The following MYO1E variants were observed in gnomAD, a reference collection of about 807,000 sequenced individuals.
The protein encoded by MYO1E is myosin IE.
A neutral mutation model predicts 151.1 loss-of-function variants in MYO1E; 68 were observed. That is an observed-to-expected ratio of 0.45 (90% confidence interval 0.37 to 0.55). The LOEUF (loss-of-function observed/expected upper bound fraction) is 0.55, where lower values mean the gene tolerates loss of function less well. MYO1E is among the 20% of genes least tolerant of loss of function. The pLI is 0.00. For missense variants in MYO1E, 1,363 were observed against 1,389.3 expected (o/e 0.98, Z 0.30); for synonymous variants, 601 against 501.7 (o/e 1.20, Z -2.64).
chr15:59,209,016 G>C, intron 13 of MYO1E, 168 bp from the exon 14 acceptor site: 1 of 798,830 alleles, frequency 1.3e-6, no homozygotes, highest in Non-Finnish European at 2.0e-6. Context: ...CAAATAGGGA[G>C]TCACCACTTA....
At chr15:59,267,681 T>C (rs1226881088) in intron 2 of MYO1E, among the ~76,000 whole-genome samples, 1 of 152,160 alleles carries the variant, frequency 6.6e-6, no homozygotes, top group South Asian at 2.1e-4. Flanking sequence ...TTGGAGAAAG[T>C]TGGACCGAAT....
chr15:59,357,700 T>C (rs534037709), intron 1 of MYO1E, among the ~76,000 whole-genome samples: 2 of 152,262 alleles, frequency 1.3e-5, no homozygotes, highest in East Asian at 1.9e-4. Context: ...TCCACCTACC[T>C]TGGCCTCCCA....
chr15:59,281,443 T>C (rs2080352802), intron 1 of MYO1E, among the ~76,000 whole-genome samples: 1 of 152,064 alleles, frequency 6.6e-6, no homozygotes, highest in Admixed American at 6.5e-5. Context: ...ACCAAGCTTA[T>C]TTTTGTATTT....
chr15:59,227,803 T>A (rs2080001152), intron 6 of MYO1E, among the ~76,000 whole-genome samples: 1 of 152,256 alleles, frequency 6.6e-6, no homozygotes, highest in African/African-American at 2.4e-5. Flanking sequence ...AGAGCACCTA[T>A]CATTCCAGCA....
At chr15:59,241,921 AAAAAT>A (rs374472292) in intron 4 of MYO1E, among the ~76,000 whole-genome samples, 2 of 150,726 alleles carry the variant, frequency 1.3e-5, no homozygotes, top group African/African-American at 2.5e-5. Context: ...CCTGTCTCTA[AAAAAT>A]AAAATAAAAT....
intron 17 of MYO1E, among the ~76,000 whole-genome samples, chr15:59,191,354 G>GAGAGAGAGAGAGAC (rs1356200439): frequency 3.3e-5 from 5 of 150,874 alleles, no homozygotes; most frequent in Non-Finnish European, 7.4e-5. Context: ...GAGAGAGAGA[G>GAGAGAGAGAGAGAC]AGAGAGAGAG....
At chr15:59,196,409 C>T (rs1170850658) in intron 16 of MYO1E, among the ~76,000 whole-genome samples, 2 of 152,176 alleles carry the variant, frequency 1.3e-5, no homozygotes, top group African/African-American at 4.8e-5. Context: ...TCCCACCCCA[C>T]AGCTGAGCAC....
chr15:59,250,095 G>C (rs2080155188), intron 4 of MYO1E, among the ~76,000 whole-genome samples: 1 of 137,036 alleles, frequency 7.3e-6, no homozygotes, highest in African/African-American at 3.1e-5. Context: ...TGGTGCAGAA[G>C]AGAATTAACT....
In MYO1E at chr15:59,268,718, G is replaced by GTTTTTTTTTT. The variant is rs1452818863; in HGVS notation, c.147+3587_147+3588insAAAAAAAAAA. On this transcript the variant is annotated intron_variant, in intron 2 of 27. Coordinates refer to ENST00000288235, the MANE Select transcript of MYO1E (RefSeq NM_004998.4). ...TGGTGATGGGTTCTGGGTGACTTTG[G>GTTTTTTTTTT]TATTTTTTTTTTTTTTTTTTTTTGC... is the stretch of plus-strand genomic sequence containing the variant. Among the ~76,000 whole-genome samples the GTTTTTTTTTT allele has an allele frequency of 6.1e-3, 73 of 12,010 alleles. 4 individuals are homozygous for GTTTTTTTTTT. The highest frequency in any genetic ancestry group is 0.018 in the South Asian group (3 of 168). The allele number at this position is 12,010 out of a possible 152,430, so 7.9% of individuals were successfully genotyped here.
At chr15:59,270,311 G>C (rs1360686938) in intron 2 of MYO1E, among the ~76,000 whole-genome samples, 1 of 151,994 alleles carries the variant, frequency 6.6e-6, no homozygotes. Flanking sequence ...TAGCACTTTG[G>C]AAGGCCGAGG....
intron 1 of MYO1E, among the ~76,000 whole-genome samples, chr15:59,292,862 C>T (rs1200416175): frequency 6.6e-6 from 1 of 152,200 alleles, no homozygotes; most frequent in African/African-American, 2.4e-5. Context: ...TTTCTACAAG[C>T]CAGAGCTTGA....
chr15:59,147,669 G>C (rs949490616), intron 26 of MYO1E, among the ~76,000 whole-genome samples: 5 of 151,094 alleles, frequency 3.3e-5, no homozygotes, highest in Non-Finnish European at 2.9e-5. Context: ...GCCAGAAGGA[G>C]TTTGTGACTT....
intron 1 of MYO1E, among the ~76,000 whole-genome samples, chr15:59,308,831 T>G (rs747111872): frequency 2.9e-5 from 3 of 102,466 alleles, no homozygotes; most frequent in Non-Finnish European, 6.2e-5. Flanking sequence ...AGAGCAAAAC[T>G]CCATCTCAAA....
intron 19 of MYO1E, among the ~76,000 whole-genome samples, chr15:59,176,996 G>GA (rs1434770289): frequency 1.3e-5 from 2 of 151,590 alleles, no homozygotes; most frequent in Non-Finnish European, 2.9e-5. Context: ...AACTGAAGCA[G>GA]AAAAAAAAGT....
At chr15:59,203,628 C>A (rs2079815636) in intron 15 of MYO1E, among the ~76,000 whole-genome samples, 1 of 152,152 alleles carries the variant, frequency 6.6e-6, no homozygotes, top group Non-Finnish European at 1.5e-5. Context: ...CCCACCTTGG[C>A]CTCCCAAAGT....
intron 4 of MYO1E, among the ~76,000 whole-genome samples, chr15:59,255,307 G>A (rs1219968781): frequency 6.6e-6 from 1 of 151,712 alleles, no homozygotes; most frequent in African/African-American, 2.4e-5. Context: ...TTGTAGAGAT[G>A]GGGTTTCGCC....
intron 7 of MYO1E, among the ~76,000 whole-genome samples, chr15:59,225,363 A>T (rs2140350999): frequency 6.6e-6 from 1 of 152,198 alleles, no homozygotes; most frequent in East Asian, 1.9e-4. Context: ...TCAGTGCCTA[A>T]ATCCAACAGC....
Position 59,217,963 on chromosome 15 carries a change from T to C in MYO1E, c.1035A>G (p.Val345=), listed in dbSNP as rs763227051. The C allele has an allele frequency of 1.2e-6, 2 of 1,614,264 alleles. No homozygotes were observed. The highest frequency in any genetic ancestry group is 1.7e-5 in the Admixed American group (1 of 60,032). The change falls in exon 10 of 28, where the codon GTA becomes GTG. Residue 345 remains valine, a synonymous_variant. Transcript: ENST00000288235. ...KSESIHVTLN[V]EQACYTRDAL... The stretch of plus-strand genomic sequence containing the variant: ...CATCCCGGGTGTAACAGGCCTGCTC[T>C]ACGTTGAGGGTCACGTGGATGGATT...
intron 22 of MYO1E, among the ~76,000 whole-genome samples, chr15:59,170,375 G>A (rs1457867527): frequency 1.3e-5 from 2 of 152,164 alleles, no homozygotes; most frequent in East Asian, 1.9e-4. Flanking sequence ...TGCCAAGCAC[G>A]CTGTGGCCAA....
Sources: gnomAD v4.1 joint callset for allele counts (sites outside exome capture counted in the v4.1 genomes callset) on GRCh38, gnomAD v4.1.1 for gene constraint, MANE v1.5 for transcripts, NCBI Gene and HGNC (gene_info 2026-07-23, HGNC 2026-07-21) for gene names.